The following AFF2 variants were observed in gnomAD, a reference collection of about 807,000 sequenced individuals.
AFF2 encodes the protein ALF transcription elongation factor 2.
Under a neutral mutation model 76.9 loss-of-function variants are expected in AFF2, and 14 were observed. That is an observed-to-expected ratio of 0.18 (90% CI 0.12 to 0.28). AFF2 has a LOEUF of 0.28. Ranked by LOEUF, AFF2 falls within the 10% of genes least tolerant of loss-of-function variation. AFF2 has a pLI of 1.00. For synonymous variants in AFF2, 398 were observed against 366.7 expected (o/e 1.09, Z -0.98); for missense variants, 868 against 1,001.1 (o/e 0.87, Z 1.79).
At chrX:148,966,677 CT>C (rs111499310) in intron 13 of AFF2, 112 bp from the exon 14 acceptor site, 33,349 of 943,349 alleles carry the variant, frequency 0.035, 418 homozygotes, top group African/African-American at 0.2. Context: ...TGTTTTCTTT[CT>C]TTTTTTTTTT....
At position 149,000,061 on chromosome X, in the gene AFF2, C is replaced by T. The variant is rs951492604; in HGVS notation, c.*8729C>T. 4 of 111,829 alleles carry T rather than the reference C, an allele frequency of 3.6e-5. No individual in the cohort carries two copies. Among genetic ancestry groups the T allele is most frequent in the African/African-American group, 1.3e-4 (4 of 30,742 alleles). The allele number at this position is 111,829 out of a possible 1,213,427, so 9.2% of individuals were successfully genotyped here. ...AGCAGAACCATCAGGAACAGCCTGCCTGGCTCCTATGAAGAAAACTTCCTG... is the reference window on the plus strand; with the variant it reads ...AGCAGAACCATCAGGAACAGCCTGCTTGGCTCCTATGAAGAAAACTTCCTG... On this transcript the variant is annotated 3_prime_UTR_variant, in exon 21 of 21. Coordinates refer to ENST00000370460, the MANE Select transcript of AFF2 (RefSeq NM_002025.4).
chrX:148,987,654 CT>C, intron 20 of AFF2, 97 bp downstream of exon 20: 1 of 749,041 alleles, frequency 1.3e-6, no homozygotes, highest in Non-Finnish European at 2.0e-6. Flanking sequence ...TTATATCTTT[CT>C]GTCTCTCTGA....
intron 3 of AFF2, among the ~76,000 whole-genome samples, chrX:148,696,911 A>C (rs2054728674): frequency 1.8e-5 from 2 of 112,000 alleles, no homozygotes; most frequent in South Asian, 7.4e-4. Context: ...TCTGCTCCCA[A>C]AAGTTGAATT....
chrX:148,987,239 A>G (rs1006385558), intron 19 of AFF2, 128 bp from the exon 20 acceptor site: 16 of 577,553 alleles, frequency 2.8e-5, no homozygotes, highest in Non-Finnish European at 4.0e-5. Flanking sequence ...TCACATGTGT[A>G]CGCTATGCTA....
intron 1 of AFF2, among the ~76,000 whole-genome samples, chrX:148,580,805 A>G (rs1211424127): frequency 9.2e-6 from 1 of 108,442 alleles, no homozygotes; most frequent in African/African-American, 3.3e-5. Context: ...TTGAAATAAA[A>G]TAATTGTACT....
intron 1 of AFF2, among the ~76,000 whole-genome samples, chrX:148,648,561 CAAAAAAAAAA>C (rs1241628949): frequency 2.2e-4 from 5 of 23,057 alleles, no homozygotes; most frequent in Non-Finnish European, 4.3e-4. Flanking sequence ...AAAACTCCGT[CAAAAAAAAAA>C]AAAAAAAAAA....
chrX:148,716,504 A>G (rs1557263375), intron 3 of AFF2, among the ~76,000 whole-genome samples: 13 of 111,603 alleles, frequency 1.2e-4, no homozygotes. Flanking sequence ...GAGTGTTTCT[A>G]GATTAGTCAT....
intron 1 of AFF2, among the ~76,000 whole-genome samples, chrX:148,636,977 G>A (rs1348742403): frequency 8.0e-5 from 9 of 111,833 alleles, no homozygotes; most frequent in Non-Finnish European, 1.7e-4. Flanking sequence ...ATAGTGCTTA[G>A]GATCTTTAAA....
intron 1 of AFF2, among the ~76,000 whole-genome samples, chrX:148,622,678 A>G (rs1435497086): frequency 3.6e-5 from 4 of 111,388 alleles, no homozygotes; most frequent in African/African-American, 6.5e-5. Flanking sequence ...TATGCTCAAG[A>G]GCTCTAAGTC....
intron 9 of AFF2, among the ~76,000 whole-genome samples, chrX:148,926,134 T>C (rs1488618637): frequency 3.6e-5 from 4 of 111,685 alleles, no homozygotes; most frequent in African/African-American, 1.3e-4. Context: ...CAGCCACGCT[T>C]AAGCTGATCT....
chrX:148,733,996 A>G (rs2055256649), intron 3 of AFF2, among the ~76,000 whole-genome samples: 1 of 112,384 alleles, frequency 8.9e-6, no homozygotes, highest in Admixed American at 9.4e-5. Context: ...ATCACCTTAT[A>G]TAAACATAGT....
At chrX:148,834,381 T>C (rs12007224) in intron 4 of AFF2, among the ~76,000 whole-genome samples, 11,251 of 110,735 alleles carry the variant, frequency 0.1, 1,455 homozygotes, top group African/African-American at 0.35. Flanking sequence ...GAACCCCCAT[T>C]ACCTCAGTTG....
chrX:148,532,636 G>A (rs1367649079), intron 1 of AFF2, among the ~76,000 whole-genome samples: 1 of 112,513 alleles, frequency 8.9e-6, no homozygotes, highest in Non-Finnish European at 1.9e-5. Flanking sequence ...GAAAGAAGTA[G>A]CATTTAGCAA....
chrX:148,605,657 C>T (rs782004807), intron 1 of AFF2, among the ~76,000 whole-genome samples: 3 of 111,813 alleles, frequency 2.7e-5, no homozygotes, highest in Non-Finnish European at 5.7e-5. Flanking sequence ...TGTTGACAAA[C>T]GATCAAGGTG....
chrX:148,958,999 A>G (rs1474690319), intron 12 of AFF2, among the ~76,000 whole-genome samples: 3 of 5,166 alleles, frequency 5.8e-4, no homozygotes, highest in Non-Finnish European at 0.019. Context: ...GGGAATGAAA[A>G]AAAAAAAAAA....
intron 3 of AFF2, among the ~76,000 whole-genome samples, chrX:148,720,534 CAA>C (rs2055078698): frequency 1.8e-5 from 2 of 111,038 alleles, no homozygotes; most frequent in Non-Finnish European, 3.8e-5. Flanking sequence ...TTATGAGTAA[CAA>C]TGATAATAGT....
In AFF2 at chrX:148,956,512, C is replaced by G; in HGVS notation, c.2467C>G (p.Pro823Ala). 6 of 1,211,921 alleles carry G rather than the reference C, an allele frequency of 5.0e-6. No individual in the cohort carries two copies. Among genetic ancestry groups the G allele is most frequent in the Non-Finnish European group, 6.7e-6 (6 of 895,489 alleles). ...VPGHSSLHAAPAKPDHKETAT... is the reference protein window; with the variant it reads ...VPGHSSLHAAAAKPDHKETAT... ...TGGCCACAGCTCACTCCATGCAGCA[C>G]CTGCCAAGCCAGACCACAAGGAGAC... Residue 823 changes from proline (P) to alanine (A), a missense_variant, in exon 11 of 21, where the codon CCT becomes GCT. Physicochemically the swap from Pro to Ala is conservative, Grantham distance 27 (BLOSUM62 -1). Transcript: ENST00000370460.
intron 9 of AFF2, among the ~76,000 whole-genome samples, chrX:148,906,160 A>T (rs2124212598): frequency 8.9e-6 from 1 of 111,862 alleles, no homozygotes; most frequent in African/African-American, 3.3e-5. Flanking sequence ...CAGAAACAAA[A>T]ACTCCACAGC....
chrX:148,576,782 T>G (rs1335824326), intron 1 of AFF2, among the ~76,000 whole-genome samples: 1 of 68,303 alleles, frequency 1.5e-5, no homozygotes, highest in Non-Finnish European at 2.5e-5. Context: ...TGGTTTGGGG[T>G]GTGTGTGTGT....
Sources: allele counts gnomAD v4.1 joint callset (sites outside exome capture counted in the v4.1 genomes callset), GRCh38; gene constraint gnomAD v4.1.1; transcripts MANE v1.5; gene names NCBI Gene and HGNC (gene_info 2026-07-23, HGNC 2026-07-21).